The following ENPP3 variants were observed in gnomAD, a reference collection of about 807,000 sequenced individuals.
The protein encoded by ENPP3 is ectonucleotide pyrophosphatase/phosphodiesterase family member 3.
A neutral mutation model predicts 117.8 loss-of-function variants in ENPP3; 104 were observed. That is an observed-to-expected ratio of 0.88 (90% confidence interval 0.75 to 1.04). The LOEUF is 1.04. ENPP3 is among the 50% of genes least tolerant of loss of function. The pLI is 0.00. For missense variants in ENPP3, 1,026 were observed against 1,051.9 expected, an observed-to-expected ratio of 0.98 and a Z score of 0.34; for synonymous variants, 380 against 349.9, an observed-to-expected ratio of 1.09 and a Z score of -0.96.
intron 2 of ENPP3, among the ~76,000 whole-genome samples, chr6:131,646,045 A>C (rs1054760437): frequency 6.6e-6 from 1 of 152,306 alleles, no homozygotes. Context: ...ACATCTGCAC[A>C]GTTCCTTGGT....
chr6:131,666,585 A>G lies in ENPP3; in HGVS notation c.563-4663A>G, dbSNP rs181265668. Among the ~76,000 whole-genome samples the G allele has an allele frequency of 1.3e-3, 197 of 152,180 alleles. 1 individual carries two copies. The highest frequency in any genetic ancestry group is 1.5e-3 in the Non-Finnish European group (103 of 67,998). On this transcript the variant is annotated intron_variant, in intron 6 of 24. Transcript: ENST00000357639. Reference sequence around the variant, plus strand: ...TTGCTCCTTTGCCTGAATAATTTTTAAAGGCCTGAGTTTGCCTCTCTTTGT... The same window carrying G: ...TTGCTCCTTTGCCTGAATAATTTTTGAAGGCCTGAGTTTGCCTCTCTTTGT...
In ENPP3 at chr6:131,683,179, C is replaced by T. The variant is rs759246826; in HGVS notation, c.1120+17C>T. The T allele has an allele frequency of 2.3e-6, 3 of 1,313,624 alleles. No individual in the cohort carries two copies. Among genetic ancestry groups the T allele is most frequent in the South Asian group, 2.4e-5 (2 of 81,774 alleles). 81.4% of individuals were successfully genotyped at this position (1,313,624 alleles called of 1,614,324 possible). A position where few individuals can be genotyped will look rare whatever the true frequency, so the allele number is the denominator to read the frequency against. On this transcript the variant is annotated intron_variant, in intron 12 of 24. Coordinates refer to ENST00000357639, the MANE Select transcript of ENPP3 (RefSeq NM_005021.5). Reference sequence around the variant, plus strand: ...CTGACCATGGTATGCTTTTAAAAAACATTCTTATTTTATCATTGACTATAA... The same window carrying T: ...CTGACCATGGTATGCTTTTAAAAAATATTCTTATTTTATCATTGACTATAA...
chr6:131,656,545 ATCACG>A (rs1352213005), intron 5 of ENPP3, among the ~76,000 whole-genome samples: 2 of 152,276 alleles, frequency 1.3e-5, no homozygotes, highest in African/African-American at 4.8e-5. Context: ...AGGCAGGCAG[ATCACG>A]AAGTCAGGAG....
chr6:131,690,399 C>A (rs555390461), intron 14 of ENPP3, among the ~76,000 whole-genome samples: 1 of 152,228 alleles, frequency 6.6e-6, no homozygotes, highest in Non-Finnish European at 1.5e-5. Flanking sequence ...AGGCCCTCTA[C>A]GATCAAAAAA....
At chr6:131,657,452 C>T (rs973482393) in intron 5 of ENPP3, among the ~76,000 whole-genome samples, 1 of 152,112 alleles carries the variant, frequency 6.6e-6, no homozygotes, top group African/African-American at 2.4e-5. Flanking sequence ...AACCTAATAA[C>T]TTTCCAAATT....
rs1347195956 is a variant in ENPP3 at position 131,722,301 on chromosome 6, T to A, written c.1642T>A (p.Tyr548Asn). ...SLNHLLKVPF[Y>N]EPSHAEEVSK... ...AAACCATCTTCTGAAGGTGCCTTTT[T>A]ATGAGCCATCCCATGCAGAGGAGGT... The change falls in exon 18 of 25, where the codon TAT becomes AAT. Residue 548 changes from tyrosine (Y) to asparagine (N), a missense_variant. Tyr to Asn is a moderately radical substitution (Grantham distance 143). Coordinates refer to ENST00000357639, the MANE Select transcript of ENPP3 (RefSeq NM_005021.5). 2 of 1,614,126 alleles carry A rather than the reference T, an allele frequency of 1.2e-6. No individual in the cohort carries two copies.
intron 6 of ENPP3, among the ~76,000 whole-genome samples, chr6:131,669,830 A>G (rs901083196): frequency 2.0e-5 from 3 of 152,180 alleles, no homozygotes; most frequent in Middle Eastern, 3.4e-3. Context: ...TGGGAAGGAG[A>G]CCAACCCCAT....
chr6:131,681,165 G>A (rs1779016051), intron 11 of ENPP3, among the ~76,000 whole-genome samples: 1 of 152,152 alleles, frequency 6.6e-6, no homozygotes, highest in Non-Finnish European at 1.5e-5. Flanking sequence ...TGAAGGCCAG[G>A]AAAGCATCTT....
rs992835682 is a variant in ENPP3 at position 131,693,367 on chromosome 6, C to T, written c.1285-130C>T. On this transcript the variant is annotated intron_variant, in intron 14 of 24. Transcript: ENST00000357639. ...CTACATTGATAATAGGTTTAATATT[C>T]CTATTGTATTAGCCAAGCTGAAATC... 52 of 717,036 alleles carry T rather than the reference C, an allele frequency of 7.3e-5. No homozygotes were observed. In the Admixed American group the frequency reaches 9.8e-4, roughly 14 times the overall value. 44.4% of individuals were successfully genotyped at this position (717,036 alleles called of 1,614,324 possible).
intron 6 of ENPP3, among the ~76,000 whole-genome samples, chr6:131,670,354 G>A (rs141840488): frequency 3.3e-5 from 5 of 152,382 alleles, no homozygotes; most frequent in African/African-American, 1.2e-4. Context: ...CAAACTGGCA[G>A]TGTATAATAT....
chr6:131,740,419 G>C (rs775549679), intron 24 of ENPP3, 39 bp downstream of exon 24: 9 of 1,428,008 alleles, frequency 6.3e-6, no homozygotes, highest in Non-Finnish European at 8.3e-6. Context: ...CCGAGAAAAT[G>C]AGTCAGAGCT....
intron 6 of ENPP3, among the ~76,000 whole-genome samples, chr6:131,664,983 G>C (rs978076178): frequency 6.6e-6 from 1 of 152,122 alleles, no homozygotes; most frequent in African/African-American, 2.4e-5. Flanking sequence ...TTTATCAAAT[G>C]CTCTTTCTGC....
intron 1 of ENPP3, 143 bp downstream of exon 1, chr6:131,637,605 C>A: frequency 2.3e-6 from 1 of 434,310 alleles, no homozygotes; most frequent in South Asian, 6.3e-5. Flanking sequence ...TATGAAAACT[C>A]TAATGCAAAT....
chr6:131,641,435 C>CT lies in ENPP3; in HGVS notation c.79-15dup, dbSNP rs1397208109. 3.2e-6 allele frequency: 5 copies of CT among 1,570,094 alleles called. No homozygotes were observed. The highest frequency in any genetic ancestry group is 4.4e-6 in the Non-Finnish European group (5 of 1,142,784). ...ATTTTTTAAAAAATTATAAAAGTTA[C>CT]TTTTTCCTTTTTGCAATAGGTTCTT... is the stretch of plus-strand genomic sequence containing the variant. On this transcript the variant is annotated intron_variant, in intron 1 of 24. Coordinates refer to ENST00000357639, the MANE Select transcript of ENPP3 (RefSeq NM_005021.5).
At chr6:131,686,254 C>T (rs1464211846) in intron 14 of ENPP3, among the ~76,000 whole-genome samples, 5 of 152,098 alleles carry the variant, frequency 3.3e-5, no homozygotes, top group Admixed American at 6.6e-5. Context: ...GTGAATTATA[C>T]CTCTTACAGA....
intron 20 of ENPP3, among the ~76,000 whole-genome samples, chr6:131,730,385 TGAAG>T (rs1473773872): frequency 6.6e-6 from 1 of 152,214 alleles, no homozygotes; most frequent in African/African-American, 2.4e-5. Flanking sequence ...CTCTGCCACC[TGAAG>T]GAGAGTGAAA....
At position 131,733,704 on chromosome 6, in the gene ENPP3, C is replaced by G; in HGVS notation, c.2070C>G (p.His690Gln). 6.2e-7 allele frequency: 1 copy of G among 1,614,060 alleles called. No individual in the cohort carries two copies. Among genetic ancestry groups the G allele is most frequent in the Non-Finnish European group, 8.5e-7 (1 of 1,179,952 alleles). The change falls in exon 21 of 25, where the codon CAC becomes CAG. Residue 690 changes from histidine to glutamine, a missense_variant. Physicochemically the swap from His to Gln is conservative, Grantham distance 24. Coordinates refer to ENST00000357639, the MANE Select transcript of ENPP3 (RefSeq NM_005021.5). Reference protein sequence around the residue: ...SFYLADKNITHGFLYPPASNR... With the variant: ...SFYLADKNITQGFLYPPASNR... ...ATTTAGCAGACAAGAATATCACCCA[C>G]GGCTTCCTCTATCCTCCTGGTTAGT... is the stretch of plus-strand genomic sequence containing the variant.
At chr6:131,677,718 A>G (rs1585654118) in intron 10 of ENPP3, 150 bp from the exon 11 acceptor site, 3 of 567,156 alleles carry the variant, frequency 5.3e-6, no homozygotes, top group South Asian at 4.8e-5. Context: ...GCTGGAGCCA[A>G]GTAGAACTAC....
At chr6:131,727,470 G>A (rs558085417) in intron 20 of ENPP3, among the ~76,000 whole-genome samples, 39 of 146,368 alleles carry the variant, frequency 2.7e-4, no homozygotes, top group African/African-American at 5.2e-4. Context: ...CAGGAGAATC[G>A]CTTGAACCCG....
Sources: gnomAD v4.1 joint callset for allele counts (sites outside exome capture counted in the v4.1 genomes callset) on GRCh38, gnomAD v4.1.1 for gene constraint, MANE v1.5 for transcripts, NCBI Gene and HGNC (gene_info 2026-07-23, HGNC 2026-07-21) for gene names.